The following LCT variants were observed in gnomAD, a reference collection of about 807,000 sequenced individuals.
LCT encodes lactase.
Under a neutral mutation model 173.0 loss-of-function variants are expected in LCT, and 90 were observed. The ratio of observed to expected loss-of-function variants is 0.52; its 90% confidence interval spans 0.44 to 0.62. The LOEUF is 0.62. Among genes scored for constraint, LCT ranks in the 20% least tolerant of loss-of-function variants. LCT has a pLI of 0.00. For synonymous variants in LCT, 853 were observed against 957.6 expected (o/e 0.89, Z 2.02); for missense variants, 1,864 against 2,431.4 (o/e 0.77, Z 4.91).
intron 2 of LCT, among the ~76,000 whole-genome samples, chr2:135,831,957 C>T (rs1397025160): frequency 1.3e-5 from 2 of 152,204 alleles, no homozygotes; most frequent in African/African-American, 4.8e-5. Context: ...TGGCTCAAGC[C>T]TGTAATTCCA....
At chr2:135,821,179 C>A (rs1435061666) in intron 5 of LCT, among the ~76,000 whole-genome samples, 1 of 152,212 alleles carries the variant, frequency 6.6e-6, no homozygotes, top group African/African-American at 2.4e-5. Flanking sequence ...CCGTGCCCGG[C>A]AATCTGCTCT....
At chr2:135,819,942 C>A (rs891209925) in intron 5 of LCT, among the ~76,000 whole-genome samples, 3 of 152,134 alleles carry the variant, frequency 2.0e-5, no homozygotes, top group Non-Finnish European at 2.9e-5. Context: ...AGCTGGGAAC[C>A]CTGGGTTTGC....
intron 6 of LCT, among the ~76,000 whole-genome samples, chr2:135,814,464 C>T (rs2077762997): frequency 6.6e-6 from 1 of 151,542 alleles, no homozygotes; most frequent in Admixed American, 6.6e-5. Flanking sequence ...CCTGTGACAA[C>T]ATCATAAATG....
At chr2:135,791,641 AGTGGAG>A (rs1204240570) in intron 14 of LCT, among the ~76,000 whole-genome samples, 1 of 152,200 alleles carries the variant, frequency 6.6e-6, no homozygotes, top group African/African-American at 2.4e-5. Flanking sequence ...CATAAGCACT[AGTGGAG>A]GTCTTCCCAG....
chr2:135,811,751 C>T (rs1357362267), intron 7 of LCT, among the ~76,000 whole-genome samples: 1 of 149,246 alleles, frequency 6.7e-6, no homozygotes, highest in Non-Finnish European at 1.5e-5. Flanking sequence ...GCATAGGACT[C>T]AGATGGGCAG....
intron 12 of LCT, among the ~76,000 whole-genome samples, chr2:135,799,618 T>G (rs1217907055): frequency 6.6e-6 from 1 of 152,014 alleles, no homozygotes; most frequent in Non-Finnish European, 1.5e-5. Flanking sequence ...CCTCGGTAAT[T>G]TTTATATTTT....
At chr2:135,834,231 G>C (rs1410486219) in intron 1 of LCT, among the ~76,000 whole-genome samples, 1 of 151,950 alleles carries the variant, frequency 6.6e-6, no homozygotes, top group African/African-American at 2.4e-5. Context: ...TGTCGCCCAG[G>C]CTGGAGTGCA....
At chr2:135,793,180 G>A (rs1471583144) in intron 14 of LCT, among the ~76,000 whole-genome samples, 1 of 152,214 alleles carries the variant, frequency 6.6e-6, no homozygotes, top group Non-Finnish European at 1.5e-5. Context: ...ACCAGTGCAC[G>A]AAAGAAAACT....
Position 135,832,736 on chromosome 2 carries a change from C to T in LCT, c.720+375G>A, listed in dbSNP as rs553091061. Among the ~76,000 whole-genome samples the T allele has an allele frequency of 5.3e-5, 8 of 152,122 alleles. No homozygotes were observed. In the South Asian group the frequency reaches 1.2e-3, roughly 24 times the overall value. On this transcript the variant is annotated intron_variant, in intron 2 of 16. Coordinates refer to ENST00000264162, the MANE Select transcript of LCT (RefSeq NM_002299.4). ...CTGGCTCAAACAACCCTCCCATCTC[C>T]GCCTCCCAAAGTGCTGGGATTACAG...
intron 2 of LCT, among the ~76,000 whole-genome samples, chr2:135,830,321 C>G (rs1575349557): frequency 6.6e-6 from 1 of 152,110 alleles, no homozygotes; most frequent in Non-Finnish European, 1.5e-5. Context: ...CTGTCTCTGG[C>G]CTGCATGTGC....
At chr2:135,829,744 T>C in intron 2 of LCT, 68 bp from the exon 3 acceptor site, 1 of 1,092,414 alleles carries the variant, frequency 9.2e-7, no homozygotes, top group South Asian at 1.2e-5. Flanking sequence ...CTCTCAGAAG[T>C]ACGCTTTTTT....
rs2077649782 is a variant in LCT at position 135,804,144 on chromosome 2, A to G, written c.4465-16T>C. ...AAATGGTCACCTGGGAAGAAGCCAG[A>G]TCAGCTGTTGCATCAGTCATGCTTT... is the stretch of plus-strand genomic sequence containing the variant. On this transcript the variant is annotated splice_polypyrimidine_tract_variant and intron_variant, in intron 10 of 16. Coordinates refer to ENST00000264162, the MANE Select transcript of LCT (RefSeq NM_002299.4). 6.2e-7 allele frequency: 1 copy of G among 1,606,314 alleles called. No homozygotes were observed. The highest frequency in any genetic ancestry group is 1.3e-5 in the African/African-American group (1 of 74,892).
intron 2 of LCT, among the ~76,000 whole-genome samples, chr2:135,830,575 G>A (rs2077929364): frequency 6.6e-6 from 1 of 152,224 alleles, no homozygotes; most frequent in East Asian, 1.9e-4. Context: ...CTAAGCCTGT[G>A]GAAGTTACTT....
intron 13 of LCT, 59 bp from the exon 14 acceptor site, chr2:135,794,834 A>G (rs2077567085): frequency 1.2e-6 from 2 of 1,603,914 alleles, no homozygotes; most frequent in Admixed American, 3.3e-5. Flanking sequence ...TTGAGAAGAG[A>G]ACGTCATAGG....
At chr2:135,827,480 T>C (rs779260494) in intron 3 of LCT, among the ~76,000 whole-genome samples, 24 of 152,070 alleles carry the variant, frequency 1.6e-4, no homozygotes, top group Non-Finnish European at 3.4e-4. Context: ...GCTGCATCTG[T>C]CACCTTTGAT....
chr2:135,808,812 G>A lies in LCT; in HGVS notation c.3535C>T (p.Gln1179Ter), dbSNP rs749118441. ...KWKVGNRSEL[Q>*]HLATSRLPSF... ...GGCAGGCGGGAGGTGGCTAAGTGCT[G>A]CAGTTCACTCCTGTTCCCCACTTTC... Residue 1179 changes from glutamine (Q) to a stop codon, truncating the protein, a stop_gained, in exon 8 of 17, where the codon CAG becomes TAG. Coordinates refer to ENST00000264162, the MANE Select transcript of LCT (RefSeq NM_002299.4). LOFTEE classifies it high-confidence loss of function. 8 of 1,613,766 alleles carry A rather than the reference G, an allele frequency of 5.0e-6. No homozygotes were observed. The highest frequency in any genetic ancestry group is 2.2e-5 in the East Asian group (1 of 44,890).
chr2:135,803,810 G>A, intron 11 of LCT, 120 bp downstream of exon 11: 1 of 856,302 alleles, frequency 1.2e-6, no homozygotes, highest in Non-Finnish European at 1.9e-6. Context: ...CTGAGCAAGA[G>A]GCAGGGTTTC....
At position 135,800,626 on chromosome 2, in the gene LCT, G is replaced by A. The variant is rs747403966; in HGVS notation, c.4847C>T (p.Ala1616Val). The change falls in exon 12 of 17, where the codon GCA becomes GTA. Residue 1616 changes from alanine (A) to valine (V), a missense_variant. Physicochemically the swap from Ala to Val is moderately conservative, Grantham distance 64. Around this residue, in one of 4 missense-constraint regions of LCT, gnomAD observed 514 missense variants for 750.1 expected, o/e 0.69. Coordinates refer to ENST00000264162, the MANE Select transcript of LCT (RefSeq NM_002299.4). ...RDPSNQEDVE[A>V]ARRYVQFMGG... ...ACAGACCTGAACATATCTCCTGGCT[G>A]CCTCCACATCCTCCTGGTTAGAGGG... 1.9e-6 allele frequency: 3 copies of A among 1,612,326 alleles called. No individual in the cohort carries two copies. Among genetic ancestry groups the A allele is most frequent in the Non-Finnish European group, 2.5e-6 (3 of 1,179,854 alleles).
At chr2:135,797,727 A>G (rs974613836) in intron 13 of LCT, among the ~76,000 whole-genome samples, 1 of 152,134 alleles carries the variant, frequency 6.6e-6, no homozygotes, top group Non-Finnish European at 1.5e-5. Context: ...ACCCACATTC[A>G]CACGTGCGGT....
Sources: gnomAD v4.1 joint callset for allele counts (sites outside exome capture counted in the v4.1 genomes callset) on GRCh38, gnomAD v4.1.1 for gene constraint, gnomAD v4.1.1 regional missense constraint, MANE v1.5 for transcripts, NCBI Gene and HGNC (gene_info 2026-07-23, HGNC 2026-07-21) for gene names.